Variants in TOX3 observed in about 807,000 individuals in gnomAD.
TOX3 encodes the protein CAG trinucleotide repeat-containing gene F9 protein.
A neutral mutation model predicts 64.3 loss-of-function variants in TOX3; 22 were observed. That is an observed-to-expected ratio of 0.34 (90% confidence interval 0.24 to 0.49). The LOEUF (loss-of-function observed/expected upper bound fraction) is 0.49. Among genes scored for constraint, TOX3 ranks in the 20% least tolerant of loss-of-function variants. The pLI, the probability that TOX3 is intolerant of heterozygous loss-of-function variation, is 0.99. For synonymous variants in TOX3, 291 were observed against 273.6 expected (o/e 1.06, Z -0.63); for missense variants, 661 against 714.4 (o/e 0.93, Z 0.85).
In TOX3 at chr16:52,465,401, T is replaced by G. The variant is rs567325246; in HGVS notation, c.154-1213A>C. 2.0e-5 allele frequency among the ~76,000 whole-genome samples: 3 copies of G among 151,052 alleles called. No individual in the cohort carries two copies. In the South Asian group the frequency reaches 6.3e-4, roughly 32 times the overall value. On this transcript the variant is annotated intron_variant, in intron 2 of 6. Transcript: ENST00000219746. The stretch of plus-strand genomic sequence containing the variant: ...TCCACCCAACCACACTAACCATTTT[T>G]GGGGGGATTTTTTTGGCGAGAGGTT...
intron 6 of TOX3, among the ~76,000 whole-genome samples, chr16:52,441,694 G>T (rs935315905): frequency 6.6e-6 from 1 of 152,058 alleles, no homozygotes; most frequent in Non-Finnish European, 1.5e-5. Context: ...TTATGACTCC[G>T]ATTTATAAAA....
At chr16:52,471,423 T>C (rs1230580309) in intron 1 of TOX3, among the ~76,000 whole-genome samples, 1 of 152,208 alleles carries the variant, frequency 6.6e-6, no homozygotes, top group Non-Finnish European at 1.5e-5. Context: ...AGGTCTCTAA[T>C]ATAATGACCT....
chr16:52,482,185 C>T lies in TOX3; in HGVS notation c.88-13611G>A, dbSNP rs115594889. On this transcript the variant is annotated intron_variant, in intron 1 of 6. Coordinates refer to ENST00000219746, the MANE Select transcript of TOX3 (RefSeq NM_001080430.4). ...ATTCAGTCAAGATGTAAATTTCAAT[C>T]GGGCGTTCAGCTACAACTTATTTTA... Among the ~76,000 whole-genome samples the T allele has an allele frequency of 1.9e-3, 287 of 152,162 alleles. 1 individual carries two copies. Among genetic ancestry groups the T allele is most frequent in the African/African-American group, 6.6e-3 (275 of 41,528 alleles).
intron 1 of TOX3, among the ~76,000 whole-genome samples, chr16:52,468,830 A>T (rs1196137741): frequency 6.6e-6 from 1 of 152,208 alleles, no homozygotes; most frequent in Non-Finnish European, 1.5e-5. Flanking sequence ...GATTACAAAC[A>T]TTAAGCCAAC....
chr16:52,450,287 T>G lies in TOX3; in HGVS notation c.668A>C (p.Glu223Ala). ...SSSINEEDAD[E>A]ANRAIGEKRA... is the part of the protein sequence containing the mutation. ...GCAGTTCTAACTTACTCTGTTGGCT[T>G]CATCAGCATCCTCTTCATTGATGGA... is the stretch of plus-strand genomic sequence containing the variant. The change falls in exon 4 of 7, where the codon GAA becomes GCA. Residue 223 changes from glutamate (E) to alanine (A), a missense_variant. Coordinates refer to ENST00000219746, the MANE Select transcript of TOX3 (RefSeq NM_001080430.4). 6.2e-7 allele frequency: 1 copy of G among 1,614,032 alleles called. No homozygotes were observed. The highest frequency in any genetic ancestry group is 8.5e-7 in the Non-Finnish European group (1 of 1,179,874).
At chr16:52,497,545 T>C (rs769559859) in intron 1 of TOX3, among the ~76,000 whole-genome samples, 4 of 152,200 alleles carry the variant, frequency 2.6e-5, no homozygotes, top group African/African-American at 4.8e-5. Context: ...TCCAGAAATA[T>C]GTCTGCAAAA....
At chr16:52,466,876 G>C (rs1010666881) in intron 2 of TOX3, among the ~76,000 whole-genome samples, 9 of 151,990 alleles carry the variant, frequency 5.9e-5, no homozygotes, top group African/African-American at 1.9e-4. Flanking sequence ...CAAAATGCTG[G>C]ATATCTGAGA....
intron 6 of TOX3, among the ~76,000 whole-genome samples, chr16:52,442,253 G>C (rs116918705): frequency 2.8e-4 from 42 of 152,242 alleles, no homozygotes; most frequent in Non-Finnish European, 4.6e-4. Context: ...GTATCTTAAG[G>C]GGGGAGGTCT....
chr16:52,540,173 A>G (rs1442305182), intron 1 of TOX3, among the ~76,000 whole-genome samples: 2 of 152,048 alleles, frequency 1.3e-5, no homozygotes, highest in Non-Finnish European at 2.9e-5. Context: ...GGCGGCCAAG[A>G]GTTCAAGACC....
Position 52,546,697 on chromosome 16 carries a change from C to T in TOX3, c.27G>A (p.Ala9=). 1 of 1,540,562 alleles carries T rather than the reference C, an allele frequency of 6.5e-7. No homozygotes were observed. The highest frequency in any genetic ancestry group is 2.4e-5 in the East Asian group (1 of 40,972). Residue 9 remains alanine (A), a synonymous_variant, in exon 1 of 7, where the codon GCG becomes GCA. Coordinates refer to ENST00000219746, the MANE Select transcript of TOX3 (RefSeq NM_001080430.4). MDVRFYPA[A]AGDPASLDFA... is the part of the protein sequence containing the mutation. Reference sequence around the variant, plus strand: ...AGTCCAGGCTGGCAGGGTCCCCGGCCGCCGCGGGGTAGAACCTCACATCCA... The same window carrying T: ...AGTCCAGGCTGGCAGGGTCCCCGGCTGCCGCGGGGTAGAACCTCACATCCA...
intron 2 of TOX3, among the ~76,000 whole-genome samples, chr16:52,465,005 CTTTTTTTTTTTTTT>C (rs1168498170): frequency 7.0e-5 from 5 of 70,942 alleles, no homozygotes; most frequent in African/African-American, 1.8e-4. Context: ...TTAATGCATT[CTTTTTTTTTTTTTT>C]TTTTTTTTTT....
chr16:52,531,141 T>C (rs1013991168), intron 1 of TOX3, among the ~76,000 whole-genome samples: 16 of 152,212 alleles, frequency 1.1e-4, no homozygotes, highest in African/African-American at 3.6e-4. Context: ...GAAAAGTTAT[T>C]AATGCAGACA....
At chr16:52,531,434 C>A (rs1398519162) in intron 1 of TOX3, among the ~76,000 whole-genome samples, 2 of 152,098 alleles carry the variant, frequency 1.3e-5, no homozygotes, top group East Asian at 3.9e-4. Flanking sequence ...GGAGGGTGTT[C>A]AATGTCAAGT....
intron 1 of TOX3, among the ~76,000 whole-genome samples, chr16:52,540,955 G>A (rs998329941): frequency 4.6e-5 from 7 of 152,144 alleles, no homozygotes; most frequent in African/African-American, 1.7e-4. Context: ...GCCACCATTT[G>A]TTGAGTTTTC....
intron 1 of TOX3, among the ~76,000 whole-genome samples, chr16:52,523,080 G>A (rs536952564): frequency 2.0e-5 from 3 of 152,288 alleles, no homozygotes; most frequent in South Asian, 2.1e-4. Context: ...TGGAGAAAAC[G>A]GAAGCAAGGC....
chr16:52,483,950 G>T (rs1457872185), intron 1 of TOX3, among the ~76,000 whole-genome samples: 1 of 152,102 alleles, frequency 6.6e-6, no homozygotes, highest in Non-Finnish European at 1.5e-5. Flanking sequence ...ACTTAATGTG[G>T]TTAACTGGAA....
chr16:52,463,767 C>T (rs1197603509), intron 3 of TOX3, among the ~76,000 whole-genome samples, 167 bp downstream of exon 3: 1 of 152,124 alleles, frequency 6.6e-6, no homozygotes, highest in Non-Finnish European at 1.5e-5. Flanking sequence ...CAACCCAATA[C>T]CCCTTTGTTC....
rs1443228813 is a variant in TOX3 at position 52,438,427 on chromosome 16, AT to A, written c.*797del. ...CTTAACTTTTGTAATAACTGTTTTC[AT>A]TTAAGTGCATTTCCCTTTTAAAAAT... On this transcript the variant is annotated 3_prime_UTR_variant, in exon 7 of 7. Transcript: ENST00000219746. 1 of 152,656 alleles carries A rather than the reference AT, an allele frequency of 6.6e-6. No homozygotes were observed. Among genetic ancestry groups the A allele is most frequent in the Non-Finnish European group, 1.5e-5 (1 of 68,052 alleles). The allele number at this position is 152,656 out of a possible 1,614,324, so 9.5% of individuals were successfully genotyped here.
intron 1 of TOX3, among the ~76,000 whole-genome samples, chr16:52,494,479 T>C (rs1388822214): frequency 6.6e-6 from 1 of 152,232 alleles, no homozygotes; most frequent in Non-Finnish European, 1.5e-5. Context: ...TTATACATGG[T>C]GGGTTTATGT....
Sources: gnomAD v4.1 joint callset for allele counts (sites outside exome capture counted in the v4.1 genomes callset) on GRCh38, gnomAD v4.1.1 for gene constraint, MANE v1.5 for transcripts, NCBI Gene and HGNC (gene_info 2026-07-23, HGNC 2026-07-21) for gene names.